The following ZBTB20 variants were observed in gnomAD, a reference collection of about 807,000 sequenced individuals.
ZBTB20 encodes zinc finger and BTB domain-containing protein 20.
ZBTB20 carries 9 observed loss-of-function variants against 56.9 expected under a neutral mutation model. The ratio of observed to expected loss-of-function variants is 0.16; its 90% CI spans 0.10 to 0.28. The LOEUF (loss-of-function observed/expected upper bound fraction) is 0.28, where lower values mean the gene tolerates loss of function less well. Among genes scored for constraint, ZBTB20 ranks in the 10% least tolerant of loss-of-function variants. The probability of loss-of-function intolerance (pLI) is 1.00; values close to 1 mark genes in which losing one functional copy is unlikely to be tolerated. For missense variants in ZBTB20, 655 were observed against 1,003.0 expected, an observed-to-expected ratio of 0.65 and a Z score of 4.69; for synonymous variants, 417 against 420.7, an observed-to-expected ratio of 0.99 and a Z score of 0.11.
intron 4 of ZBTB20, among the ~76,000 whole-genome samples, chr3:114,867,942 T>C (rs189115813): frequency 2.0e-5 from 3 of 152,264 alleles, no homozygotes; most frequent in Admixed American, 2.0e-4. Flanking sequence ...TTAGACACCC[T>C]CTCTGTCAAA....
At chr3:114,856,423 G>C (rs892850338) in intron 4 of ZBTB20, among the ~76,000 whole-genome samples, 1 of 152,082 alleles carries the variant, frequency 6.6e-6, no homozygotes, top group Admixed American at 6.5e-5. Context: ...ATAAATAAGA[G>C]CAGACAATTC....
At chr3:114,499,760 T>A (rs1268548184) in intron 7 of ZBTB20, among the ~76,000 whole-genome samples, 1 of 152,158 alleles carries the variant, frequency 6.6e-6, no homozygotes, top group Non-Finnish European at 1.5e-5. Context: ...TACCTTTCCA[T>A]CTTTTCTAAA....
chr3:114,713,603 T>C (rs549724950), intron 5 of ZBTB20, among the ~76,000 whole-genome samples: 1 of 152,280 alleles, frequency 6.6e-6, no homozygotes, highest in South Asian at 2.1e-4. Flanking sequence ...GGGCACAGAA[T>C]AGCCATTGGA....
rs538301915 is a variant in ZBTB20 at position 114,837,477 on chromosome 3, G to A, written c.-416-36303C>T. On this transcript the variant is annotated intron_variant, in intron 4 of 11. Transcript: ENST00000675478. ...GCCTATGGGTCAAAGTTTCTCATGA[G>A]GTTGTGATCAAACTGTCAGCTAGAG... 3.9e-5 allele frequency among the ~76,000 whole-genome samples: 6 copies of A among 152,228 alleles called. No individual in the cohort carries two copies. In the South Asian group the frequency reaches 1.2e-3, roughly 32 times the overall value.
At chr3:114,553,978 A>T (rs762952812) in intron 6 of ZBTB20, among the ~76,000 whole-genome samples, 28 of 152,198 alleles carry the variant, frequency 1.8e-4, no homozygotes, top group Non-Finnish European at 3.7e-4. Context: ...TGTGATAAAG[A>T]GATGATGTCT....
intron 1 of ZBTB20, chr3:115,102,840 C>G (rs2083620678): frequency 6.6e-6 from 1 of 152,246 alleles, no homozygotes; most frequent in Admixed American, 6.6e-5. Flanking sequence ...TGGTGCATGC[C>G]TCTAGTCCCA....
chr3:115,009,890 C>A (rs935978390), intron 2 of ZBTB20, among the ~76,000 whole-genome samples: 6 of 151,882 alleles, frequency 4.0e-5, no homozygotes, highest in African/African-American at 1.4e-4. Flanking sequence ...ATAAATTTTT[C>A]TTTATACATT....
At chr3:114,810,067 C>T (rs1048361850) in intron 4 of ZBTB20, among the ~76,000 whole-genome samples, 1 of 151,464 alleles carries the variant, frequency 6.6e-6, no homozygotes, top group Admixed American at 6.6e-5. Context: ...TATGCTAACG[C>T]CTCTAATTGA....
At chr3:114,375,980 C>A (rs1321169638) in intron 10 of ZBTB20, 1 of 152,186 alleles carries the variant, frequency 6.6e-6, no homozygotes, top group Non-Finnish European at 1.5e-5. Flanking sequence ...CTTTAAAATA[C>A]ATTTTATGCT....
chr3:114,729,811 T>C (rs1269574074), intron 5 of ZBTB20, among the ~76,000 whole-genome samples: 2 of 149,350 alleles, frequency 1.3e-5, no homozygotes, highest in Non-Finnish European at 3.0e-5. Flanking sequence ...TTTCTTTTAA[T>C]TTTTTTTTTA....
intron 1 of ZBTB20, among the ~76,000 whole-genome samples, chr3:115,079,932 A>G (rs1012698950): frequency 2.6e-5 from 4 of 152,180 alleles, no homozygotes; most frequent in African/African-American, 7.2e-5. Context: ...GGTGTTTACG[A>G]TATGATCTTA....
At chr3:114,921,615 CA>C (rs1444606416) in intron 3 of ZBTB20, among the ~76,000 whole-genome samples, 4 of 148,860 alleles carry the variant, frequency 2.7e-5, no homozygotes, top group African/African-American at 9.9e-5. Flanking sequence ...ATCGCAAGGA[CA>C]AAAAACCAAA....
At chr3:114,965,128 A>C (rs1218734577) in intron 3 of ZBTB20, among the ~76,000 whole-genome samples, 1 of 152,194 alleles carries the variant, frequency 6.6e-6, no homozygotes. Context: ...TTGTGATATA[A>C]AAATCTGTTT....
intron 5 of ZBTB20, among the ~76,000 whole-genome samples, chr3:114,740,016 C>T (rs1468363875): frequency 1.3e-5 from 2 of 152,122 alleles, no homozygotes; most frequent in Non-Finnish European, 2.9e-5. Context: ...GAGGTGATTA[C>T]GTTTAAAATG....
At chr3:114,470,575 A>G (rs1331055770) in intron 7 of ZBTB20, among the ~76,000 whole-genome samples, 3 of 152,172 alleles carry the variant, frequency 2.0e-5, no homozygotes, top group Admixed American at 2.0e-4. Context: ...AATCTTCATA[A>G]TAAGTCTACA....
Position 114,380,853 on chromosome 3 carries a change from G to T in ZBTB20, c.-66C>A, listed in dbSNP as rs2084245837. 5.7e-6 allele frequency: 8 copies of T among 1,405,144 alleles called. No individual in the cohort carries two copies. In the East Asian group the frequency reaches 1.8e-4, roughly 32 times the overall value. 87.0% of individuals were successfully genotyped at this position (1,405,144 alleles called of 1,614,324 possible). Reference sequence around the variant, plus strand: ...AGGAGCACTGGACTGGGAGTCAGGAGACTTGAGCTACCGTACTAGCTGTGC... The same window carrying T: ...AGGAGCACTGGACTGGGAGTCAGGATACTTGAGCTACCGTACTAGCTGTGC... On this transcript the variant is annotated 5_prime_UTR_variant, in exon 9 of 12. Transcript: ENST00000675478.
At chr3:114,579,453 T>A (rs1351568525) in intron 6 of ZBTB20, among the ~76,000 whole-genome samples, 1 of 151,432 alleles carries the variant, frequency 6.6e-6, no homozygotes, top group Admixed American at 6.6e-5. Context: ...AGTCTGAAAT[T>A]CATTTTTAAA....
rs1401861048 is a variant in ZBTB20 at position 114,325,122 on chromosome 3, T to C, written c.*13883A>G. On this transcript the variant is annotated 3_prime_UTR_variant, in exon 12 of 12. Coordinates refer to ENST00000675478, the MANE Select transcript of ZBTB20 (RefSeq NM_001348800.3). ...CTGAAAACCATAATTCTTTCAACAA[T>C]AGTGTAGGAACAATTTTAATTAGAT... 6.6e-6 allele frequency: 1 copy of C among 152,162 alleles called. No individual in the cohort carries two copies. Among genetic ancestry groups the C allele is most frequent in the African/African-American group, 2.4e-5 (1 of 41,432 alleles). 9.4% of individuals were successfully genotyped at this position (152,162 alleles called of 1,614,324 possible). A position where few individuals can be genotyped will look rare whatever the true frequency, so the allele number is the denominator to read the frequency against.
intron 7 of ZBTB20, among the ~76,000 whole-genome samples, chr3:114,498,584 C>A (rs1185162947): frequency 6.6e-6 from 1 of 152,136 alleles, no homozygotes; most frequent in Non-Finnish European, 1.5e-5. Flanking sequence ...ATGAGGGCAG[C>A]TTCAAGATTT....
Sources: allele counts gnomAD v4.1 joint callset (sites outside exome capture counted in the v4.1 genomes callset), GRCh38; gene constraint gnomAD v4.1.1; transcripts MANE v1.5; gene names NCBI Gene and HGNC (gene_info 2026-07-23, HGNC 2026-07-21).